KIF11: variants seen among roughly 807,000 people sequenced by gnomAD.
The protein encoded by KIF11 is kinesin family member 11.
Under a neutral mutation model 121.0 loss-of-function variants are expected in KIF11, and 9 were observed. The ratio of observed to expected loss-of-function variants is 0.07; its 90% CI spans 0.04 to 0.13. The LOEUF is 0.13. Ranked by LOEUF, KIF11 falls within the 10% of genes least tolerant of loss-of-function variation. The pLI, the probability that KIF11 is intolerant of heterozygous loss-of-function variation, is 1.00. For missense variants in KIF11, 846 were observed against 1,217.5 expected (o/e 0.69, Z 4.54); for synonymous variants, 408 against 421.0 (o/e 0.97, Z 0.38).
chr10:92,639,523 G>T (rs1243408195), intron 16 of KIF11, among the ~76,000 whole-genome samples: 1 of 152,028 alleles, frequency 6.6e-6, no homozygotes, highest in East Asian at 1.9e-4. Context: ...AGCCCAGGAG[G>T]TTGAAGCTGC....
intron 1 of KIF11, among the ~76,000 whole-genome samples, chr10:92,601,080 G>C (rs1844363895): frequency 6.6e-6 from 1 of 152,142 alleles, no homozygotes; most frequent in Admixed American, 6.5e-5. Context: ...GGCTGGTCTT[G>C]AACTCCTGAC....
Position 92,639,845 on chromosome 10 carries a change from GA to G in KIF11, c.2216del (p.Lys739SerfsTer23). 1 of 1,611,940 alleles carries G rather than the reference GA, an allele frequency of 6.2e-7. No homozygotes were observed. ...GACAGAGAGATTCTGTGCTTTGGAG[GA>G]AAAGTGTGAAAATATACAGAAACCA... ...LWTERFCALE[E>X]KCENIQKPLS... On this transcript the variant is annotated frameshift_variant, in exon 17 of 22. Coordinates refer to ENST00000260731, the MANE Select transcript of KIF11 (RefSeq NM_004523.4). LOFTEE classifies it high-confidence loss of function.
chr10:92,611,433 C>T (rs1202472456), intron 6 of KIF11, among the ~76,000 whole-genome samples: 3 of 151,600 alleles, frequency 2.0e-5, no homozygotes, highest in Non-Finnish European at 4.4e-5. Context: ...AGGTTGGTCT[C>T]GATCTCCTGA....
intron 1 of KIF11, chr10:92,597,254 C>A: frequency 4.2e-6 from 1 of 239,646 alleles, no homozygotes; most frequent in South Asian, 6.4e-5. Context: ...TGGGGTCAGT[C>A]ATCTCCAGTC....
At chr10:92,624,497 C>G (rs1844651049) in intron 10 of KIF11, among the ~76,000 whole-genome samples, 1 of 151,906 alleles carries the variant, frequency 6.6e-6, no homozygotes, top group Non-Finnish European at 1.5e-5. Context: ...CCTTGGTATC[C>G]TGGCGTACTG....
At chr10:92,626,698 T>C (rs1231793170) in intron 10 of KIF11, among the ~76,000 whole-genome samples, 1 of 152,194 alleles carries the variant, frequency 6.6e-6, no homozygotes, top group Non-Finnish European at 1.5e-5. Context: ...GCATTCACTA[T>C]AAAAAAGCAT....
At chr10:92,608,882 T>A in intron 4 of KIF11, 138 bp from the exon 5 acceptor site, 1 of 523,610 alleles carries the variant, frequency 1.9e-6, no homozygotes, top group Non-Finnish European at 3.3e-6. Context: ...AACATTAGGT[T>A]AGTTGTTTCT....
At chr10:92,646,253 A>G (rs972682361) in intron 18 of KIF11, among the ~76,000 whole-genome samples, 2 of 152,042 alleles carry the variant, frequency 1.3e-5, no homozygotes, top group East Asian at 1.9e-4. Context: ...CGCCCGGCCT[A>G]TCTTTGCTTT....
At chr10:92,595,760 A>G (rs1318268808) in intron 1 of KIF11, among the ~76,000 whole-genome samples, 1 of 152,024 alleles carries the variant, frequency 6.6e-6, no homozygotes, top group Non-Finnish European at 1.5e-5. Context: ...CCCGACACCT[A>G]CCATTCGACT....
At chr10:92,651,960 CCTTTT>C (rs1844991440) in intron 21 of KIF11, among the ~76,000 whole-genome samples, 1 of 116,760 alleles carries the variant, frequency 8.6e-6, no homozygotes, top group Admixed American at 1.0e-4. Context: ...TATGCTTGTA[CCTTTT>C]TTTTTTTTTT....
In KIF11 at chr10:92,609,266, CAGAGAGAGAGAG is replaced by C. The variant is rs3835295; in HGVS notation, c.573+88_574-81del. ...TTTAATGTGTGAGGCTTTGAGAAGT[CAGAGAGAGAGAG>C]AGAGAGAGAGAGAGAGAGAGAGAGA... On this transcript the variant is annotated intron_variant, in intron 5 of 21. Coordinates refer to ENST00000260731, the MANE Select transcript of KIF11 (RefSeq NM_004523.4). 9.3e-3 allele frequency: 6,901 copies of C among 744,950 alleles called. 39 individuals are homozygous for C. Among genetic ancestry groups the C allele is most frequent in the East Asian group, 0.022 (680 of 31,450 alleles). 46.1% of individuals were successfully genotyped at this position (744,950 alleles called of 1,614,324 possible). A position where few individuals can be genotyped will look rare whatever the true frequency, so the allele number is the denominator to read the frequency against.
At chr10:92,597,120 G>T in intron 1 of KIF11, 1 of 292,522 alleles carries the variant, frequency 3.4e-6, no homozygotes, top group South Asian at 3.9e-5. Context: ...GGTTTCTTCT[G>T]CTTTGGCCCT....
rs1844520659 is a variant in KIF11 at position 92,613,759 on chromosome 10, G to A, written c.1032+140G>A. 1.7e-5 allele frequency: 13 copies of A among 779,498 alleles called. No homozygotes were observed. The highest frequency in any genetic ancestry group is 6.1e-5 in the South Asian group (3 of 48,966). The allele number at this position is 779,498 out of a possible 1,614,324, so 48.3% of individuals were successfully genotyped here. ...AGCACTTTGGAAGTCCAAGGTGGGCGGATCACTTGAGCTTAGGAGTGCCTG... is the reference window on the plus strand; with the variant it reads ...AGCACTTTGGAAGTCCAAGGTGGGCAGATCACTTGAGCTTAGGAGTGCCTG... On this transcript the variant is annotated intron_variant, in intron 8 of 21. Transcript: ENST00000260731. This position sits in a 1 kb window ranked among gnomAD's most constrained non-coding sequence, Gnocchi z 4.2.
chr10:92,619,295 G>A (rs1345628081), intron 9 of KIF11, among the ~76,000 whole-genome samples: 1 of 152,170 alleles, frequency 6.6e-6, no homozygotes, highest in Non-Finnish European at 1.5e-5. Flanking sequence ...GGGATTACAG[G>A]CTTGAGCCAC....
intron 1 of KIF11, among the ~76,000 whole-genome samples, chr10:92,604,743 TACTC>T (rs1844410682): frequency 1.3e-5 from 2 of 152,300 alleles, no homozygotes; most frequent in African/African-American, 2.4e-5. Flanking sequence ...AAATATATGA[TACTC>T]AATGGGAAAA....
At chr10:92,651,531 T>TTG (rs1844983340) in intron 21 of KIF11, among the ~76,000 whole-genome samples, 1 of 115,836 alleles carries the variant, frequency 8.6e-6, no homozygotes, top group Admixed American at 8.7e-5. Flanking sequence ...TTTTTTTTTT[T>TTG]TTTTTTTTTT....
intron 19 of KIF11, among the ~76,000 whole-genome samples, 192 bp downstream of exon 19, chr10:92,648,626 C>T (rs1212634116): frequency 3.3e-5 from 5 of 152,168 alleles, no homozygotes; most frequent in African/African-American, 1.2e-4. Flanking sequence ...CAGGTGGTAT[C>T]ACAATTCAGT....
intron 13 of KIF11, among the ~76,000 whole-genome samples, 195 bp from the exon 14 acceptor site, chr10:92,633,428 G>A (rs901695258): frequency 6.6e-6 from 1 of 151,820 alleles, no homozygotes; most frequent in Non-Finnish European, 1.5e-5. Flanking sequence ...ATATGTTAAG[G>A]GCTTACAGAG....
chr10:92,642,610 C>T (rs115177011), intron 17 of KIF11, among the ~76,000 whole-genome samples: 3,548 of 152,194 alleles, frequency 0.023, 52 homozygotes, highest in Admixed American at 0.053. Context: ...GTTTTTGCCT[C>T]GTGTATCTGA....
Sources: allele counts gnomAD v4.1 joint callset (sites outside exome capture counted in the v4.1 genomes callset), GRCh38; gene constraint gnomAD v4.1.1; non-coding constraint Gnocchi (gnomAD v3.1); transcripts MANE v1.5; gene names NCBI Gene and HGNC (gene_info 2026-07-23, HGNC 2026-07-21).